The following TMTC3 variants were observed in gnomAD, a reference collection of about 807,000 sequenced individuals.
TMTC3 encodes the protein transmembrane O-mannosyltransferase targeting cadherins 3, also known as protein O-mannosyl-transferase TMTC3.
A neutral mutation model predicts 92.2 loss-of-function variants in TMTC3; 52 were observed. The ratio of observed to expected loss-of-function variants is 0.56; its 90% CI spans 0.45 to 0.71. The LOEUF is 0.71. Among genes scored for constraint, TMTC3 ranks in the 30% least tolerant of loss-of-function variants. The pLI is 0.00. For synonymous variants in TMTC3, 339 were observed against 363.3 expected, an observed-to-expected ratio of 0.93 and a Z score of 0.76; for missense variants, 896 against 1,057.1, an observed-to-expected ratio of 0.85 and a Z score of 2.11.
chr12:88,195,415 A>G lies in TMTC3; in HGVS notation c.2511A>G (p.Glu837=), dbSNP rs754632585. 33 of 1,613,518 alleles carry G rather than the reference A, an allele frequency of 2.0e-5. No individual in the cohort carries two copies. Among genetic ancestry groups the G allele is most frequent in the Non-Finnish European group, 2.7e-5 (32 of 1,179,826 alleles). The stretch of plus-strand genomic sequence containing the variant: ...CAACCAGTAAGATTTCAAGTGTGGA[A>G]GGAAAGAAAATTCCAACTGAAAGTG... ...IFPTSKISSV[E]GKKIPTESVK... is the part of the protein sequence containing the mutation. The change falls in exon 14 of 14, where the codon GAA becomes GAG. Residue 837 remains glutamate (E), a synonymous_variant. Transcript: ENST00000266712.
intron 1 of TMTC3, among the ~76,000 whole-genome samples, chr12:88,143,539 A>T (rs370549305): frequency 6.6e-6 from 1 of 152,336 alleles, no homozygotes; most frequent in African/African-American, 2.4e-5. Flanking sequence ...GCTGGAGGAC[A>T]TATTCTTAAC....
chr12:88,175,964 C>G (rs1198177447), intron 9 of TMTC3, among the ~76,000 whole-genome samples: 1 of 152,118 alleles, frequency 6.6e-6, no homozygotes, highest in Non-Finnish European at 1.5e-5. Context: ...CATCAAATAA[C>G]ATTTTCAGTA....
At chr12:88,147,578 T>C (rs139843558) in intron 1 of TMTC3, among the ~76,000 whole-genome samples, 175 of 152,264 alleles carry the variant, frequency 1.1e-3, no homozygotes, top group Non-Finnish European at 2.0e-3. Flanking sequence ...AAAAGGAACA[T>C]CAGAGGTAAA....
intron 7 of TMTC3, among the ~76,000 whole-genome samples, chr12:88,171,707 CT>C (rs2041207070): frequency 6.6e-6 from 1 of 152,024 alleles, no homozygotes; most frequent in East Asian, 1.9e-4. Flanking sequence ...ACTTCATTTC[CT>C]TTGGATCTAT....
intron 6 of TMTC3, among the ~76,000 whole-genome samples, chr12:88,164,187 C>CT (rs2041115167): frequency 8.8e-6 from 1 of 113,250 alleles, no homozygotes; most frequent in Non-Finnish European, 1.8e-5. Flanking sequence ...AAGACTTTGT[C>CT]TCAAAAAAAA....
intron 10 of TMTC3, among the ~76,000 whole-genome samples, chr12:88,186,020 A>T (rs949175605): frequency 3.3e-5 from 5 of 152,272 alleles, no homozygotes; most frequent in Admixed American, 6.5e-5. Context: ...TTATTTTTTT[A>T]AATAAATTGA....
intron 6 of TMTC3, among the ~76,000 whole-genome samples, chr12:88,163,883 C>A (rs1324599520): frequency 6.6e-6 from 1 of 152,044 alleles, no homozygotes; most frequent in African/African-American, 2.4e-5. Flanking sequence ...TATTTCCTCA[C>A]ATATATGTGC....
At chr12:88,170,529 A>G (rs2041193360) in intron 7 of TMTC3, among the ~76,000 whole-genome samples, 1 of 152,202 alleles carries the variant, frequency 6.6e-6, no homozygotes, top group Non-Finnish European at 1.5e-5. Flanking sequence ...GATGGTGACC[A>G]GTTTGATGGT....
At chr12:88,173,096 C>T in intron 8 of TMTC3, 1 of 1,271,298 alleles carries the variant, frequency 7.9e-7, no homozygotes, top group Non-Finnish European at 1.0e-6. Context: ...TTAAGTGAGT[C>T]ATATTGAGTT....
intron 10 of TMTC3, among the ~76,000 whole-genome samples, chr12:88,182,789 T>TC (rs2041332842): frequency 6.6e-6 from 1 of 152,196 alleles, no homozygotes; most frequent in Non-Finnish European, 1.5e-5. Flanking sequence ...CTGTTCAGCA[T>TC]CCCTTGAGGA....
At chr12:88,144,749 T>C (rs1296949472) in intron 1 of TMTC3, among the ~76,000 whole-genome samples, 1 of 152,216 alleles carries the variant, frequency 6.6e-6, no homozygotes, top group African/African-American at 2.4e-5. Context: ...AGTGAACAAG[T>C]CAGCTCTGGC....
At chr12:88,161,023 A>G (rs568466760) in intron 6 of TMTC3, among the ~76,000 whole-genome samples, 172 bp downstream of exon 6, 54 of 152,238 alleles carry the variant, frequency 3.5e-4, no homozygotes, top group Non-Finnish European at 7.2e-4. Flanking sequence ...AATTTTTGAC[A>G]TATGTATACA....
intron 13 of TMTC3, 95 bp downstream of exon 13, chr12:88,192,925 T>C (rs2041460915): frequency 2.0e-6 from 2 of 995,240 alleles, no homozygotes; most frequent in Admixed American, 2.7e-5. Flanking sequence ...AAACACTTTA[T>C]GTATTGACAG....
intron 7 of TMTC3, among the ~76,000 whole-genome samples, chr12:88,167,068 A>G (rs956943574): frequency 7.6e-5 from 11 of 145,406 alleles, no homozygotes; most frequent in African/African-American, 2.6e-4. Context: ...GTCACTTCAT[A>G]CTCATAAGAG....
At chr12:88,176,636 A>G (rs2138414785) in intron 10 of TMTC3, among the ~76,000 whole-genome samples, 1 of 152,176 alleles carries the variant, frequency 6.6e-6, no homozygotes, top group Non-Finnish European at 1.5e-5. Flanking sequence ...TTAGCCAGGC[A>G]TGGTGGTGTG....
intron 1 of TMTC3, among the ~76,000 whole-genome samples, chr12:88,147,768 G>GA (rs11413462): frequency 0.072 from 10,472 of 146,266 alleles, 1,218 homozygotes; most frequent in African/African-American, 0.25. Flanking sequence ...CATTTTGGGT[G>GA]AAAAAAAAAA....
chr12:88,168,564 C>T lies in TMTC3; in HGVS notation c.1050+1982C>T, dbSNP rs530570768. On this transcript the variant is annotated intron_variant, in intron 7 of 13. Coordinates refer to ENST00000266712, the MANE Select transcript of TMTC3 (RefSeq NM_181783.4). ...TGGCATATAGAAGCATTTTTATTGG[C>T]GTACTCAGCTACTCAGCTGACTTTT... 5.3e-5 allele frequency among the ~76,000 whole-genome samples: 8 copies of T among 152,226 alleles called. No individual in the cohort carries two copies. In the South Asian group the frequency reaches 1.2e-3, roughly 24 times the overall value.
At chr12:88,169,748 G>T (rs1393392526) in intron 7 of TMTC3, among the ~76,000 whole-genome samples, 1 of 152,018 alleles carries the variant, frequency 6.6e-6, no homozygotes, top group East Asian at 1.9e-4. Flanking sequence ...GGACAAACCT[G>T]GGCAAGACAG....
chr12:88,147,644 T>C (rs1285428109), intron 1 of TMTC3, among the ~76,000 whole-genome samples: 1 of 152,124 alleles, frequency 6.6e-6, no homozygotes, highest in Non-Finnish European at 1.5e-5. Context: ...CCTGGAAAAC[T>C]TAGGTTTATT....
Sources: gnomAD v4.1 joint callset for allele counts (sites outside exome capture counted in the v4.1 genomes callset) on GRCh38, gnomAD v4.1.1 for gene constraint, MANE v1.5 for transcripts, NCBI Gene and HGNC (gene_info 2026-07-23, HGNC 2026-07-21) for gene names.